Variants in IGSF23 observed in about 807,000 individuals in gnomAD.
IGSF23 encodes immunoglobulin superfamily, member 23.
IGSF23 carries 14 observed loss-of-function variants against 17.8 expected under a neutral mutation model. That is an observed-to-expected ratio of 0.79 (90% CI 0.52 to 1.23). The LOEUF is 1.23. Among genes scored for constraint, IGSF23 ranks in the 50% most tolerant of loss-of-function variants. The pLI is 0.00. For synonymous variants in IGSF23, 85 were observed against 92.5 expected (o/e 0.92, Z 0.46); for missense variants, 214 against 241.7 (o/e 0.89, Z 0.76).
intron 1 of IGSF23, among the ~76,000 whole-genome samples, chr19:44,622,249 A>G (rs1212785671): frequency 1.3e-5 from 2 of 151,396 alleles, no homozygotes; most frequent in Non-Finnish European, 2.9e-5. Context: ...TGGCTGTTAT[A>G]TTGCCTCTTG....
intron 1 of IGSF23, among the ~76,000 whole-genome samples, chr19:44,617,100 T>C (rs1214184596): frequency 6.6e-6 from 1 of 151,956 alleles, no homozygotes; most frequent in Non-Finnish European, 1.5e-5. Flanking sequence ...CCTCACTCAG[T>C]TGCCCAGGCT....
chr19:44,620,052 C>T (rs145937781), intron 1 of IGSF23, among the ~76,000 whole-genome samples: 225 of 152,222 alleles, frequency 1.5e-3, no homozygotes, highest in African/African-American at 5.2e-3. Context: ...GGGCAGATCA[C>T]GAGTTCAGGA....
rs546832203 is a variant in IGSF23 at position 44,613,813 on chromosome 19, G to A, written c.125+43G>A. On this transcript the variant is annotated intron_variant, in intron 1 of 4. Coordinates refer to ENST00000402988, the MANE Select transcript of IGSF23 (RefSeq NM_001205280.2). The stretch of plus-strand genomic sequence containing the variant: ...GTGGCCAGGGTAGGGCATGGTCATC[G>A]TGAGCAGGGTCCTGCAGGGTGAGGC... 27 of 1,548,768 alleles carry A rather than the reference G, an allele frequency of 1.7e-5. No individual in the cohort carries two copies. The East Asian group carries it at 2.7e-4, about 15-fold the overall frequency.
intron 1 of IGSF23, among the ~76,000 whole-genome samples, chr19:44,618,904 T>G (rs142288850): frequency 1.8e-3 from 276 of 152,058 alleles, no homozygotes; most frequent in Non-Finnish European, 2.6e-3. Context: ...TTGCAATGTG[T>G]TGTGGCTATT....
intron 1 of IGSF23, 93 bp downstream of exon 1, chr19:44,613,863 G>A: frequency 6.5e-7 from 1 of 1,548,606 alleles, no homozygotes; most frequent in South Asian, 1.2e-5. Context: ...CGACTGTACA[G>A]GTCTATGAAG....
At chr19:44,633,370 T>A (rs187886995) in intron 3 of IGSF23, among the ~76,000 whole-genome samples, 1 of 152,350 alleles carries the variant, frequency 6.6e-6, no homozygotes, top group Non-Finnish European at 1.5e-5. Flanking sequence ...AGCGGTTCTT[T>A]CAAACCTTGC....
Position 44,624,646 on chromosome 19 carries a change from G to T in IGSF23, c.391+674G>T, listed in dbSNP as rs551308101. ...AGAGGTTAACTATGATGAAAGCCCA[G>T]CTTAGGATCTGGACCAGGCTACCTG... On this transcript the variant is annotated intron_variant, in intron 2 of 4. Coordinates refer to ENST00000402988, the MANE Select transcript of IGSF23 (RefSeq NM_001205280.2). Among the ~76,000 whole-genome samples, 3 of 152,232 alleles carry T rather than the reference G, an allele frequency of 2.0e-5. No individual in the cohort carries two copies. The East Asian group carries it at 5.8e-4, about 29-fold the overall frequency.
intron 2 of IGSF23, among the ~76,000 whole-genome samples, chr19:44,624,277 A>T (rs1272449188): frequency 3.1e-3 from 332 of 105,534 alleles, no homozygotes; most frequent in South Asian, 3.7e-3. Flanking sequence ...TCCTTCTTCT[A>T]CTTCTTCTTC....
rs556758886 is a variant in IGSF23, at chr19:44,631,640, C to A, written c.546-3761C>A. ...GCTGAGAGCCTCAAACAGAGATTTA[C>A]CCACGTATTTATTAACATTAGCATT... On this transcript the variant is annotated intron_variant, in intron 3 of 4. Transcript: ENST00000402988. 7.3e-4 allele frequency among the ~76,000 whole-genome samples: 111 copies of A among 152,242 alleles called. No individual in the cohort carries two copies. In the South Asian group the frequency reaches 0.022, roughly 31 times the overall value.
At position 44,623,991 on chromosome 19, in the gene IGSF23, C is replaced by T. The variant is rs1305850930; in HGVS notation, c.391+19C>T. 3 of 1,517,586 alleles carry T rather than the reference C, an allele frequency of 2.0e-6. No individual in the cohort carries two copies. Among genetic ancestry groups the T allele is most frequent in the Non-Finnish European group, 2.7e-6 (3 of 1,128,304 alleles). The allele number at this position is 1,517,586 out of a possible 1,614,324, so 94.0% of individuals were successfully genotyped here. On this transcript the variant is annotated intron_variant, in intron 2 of 4. Transcript: ENST00000402988. ...CTGCCAAGTGAGTCCCCCATTCCAC[C>T]CCACCCCACCCCACCCAAGAGCCCT...
intron 2 of IGSF23, among the ~76,000 whole-genome samples, chr19:44,624,529 C>A (rs150806093): frequency 4.3e-3 from 650 of 152,078 alleles, no homozygotes; most frequent in Non-Finnish European, 7.8e-3. Context: ...GAGTGATCCA[C>A]CCACCTTGGC....
chr19:44,629,606 T>C (rs1007873911), intron 3 of IGSF23, among the ~76,000 whole-genome samples: 1 of 151,160 alleles, frequency 6.6e-6, no homozygotes, highest in African/African-American at 2.4e-5. Context: ...GATCTTACCA[T>C]GTATTGAGCA....
intron 1 of IGSF23, among the ~76,000 whole-genome samples, chr19:44,618,897 C>T (rs1210436006): frequency 1.3e-5 from 2 of 151,448 alleles, no homozygotes; most frequent in African/African-American, 2.4e-5. Flanking sequence ...AGAGGAGTTG[C>T]AATGTGTTGT....
intron 1 of IGSF23, among the ~76,000 whole-genome samples, chr19:44,620,023 C>A (rs767756645): frequency 1.3e-5 from 2 of 152,174 alleles, no homozygotes; most frequent in Non-Finnish European, 2.9e-5. Context: ...GTAATCCCAG[C>A]ATTTTGGGAG....
intron 1 of IGSF23, among the ~76,000 whole-genome samples, chr19:44,615,465 A>G (rs142004781): frequency 6.6e-6 from 1 of 151,006 alleles, no homozygotes; most frequent in Non-Finnish European, 1.5e-5. Flanking sequence ...CTCTACTAAA[A>G]ACAGAAAATT....
chr19:44,628,541 A>G (rs1255084213), intron 3 of IGSF23, among the ~76,000 whole-genome samples: 5 of 152,066 alleles, frequency 3.3e-5, no homozygotes, highest in Non-Finnish European at 5.9e-5. Context: ...CGAGCCCAGG[A>G]GTTTGAAACC....
intron 1 of IGSF23, among the ~76,000 whole-genome samples, chr19:44,617,420 G>A (rs190005510): frequency 5.3e-5 from 8 of 152,140 alleles, no homozygotes; most frequent in African/African-American, 1.9e-4. Flanking sequence ...TAGATTTTAT[G>A]TGTTCTCACC....
chr19:44,616,264 G>A (rs1238951160), intron 1 of IGSF23, among the ~76,000 whole-genome samples: 1 of 152,064 alleles, frequency 6.6e-6, no homozygotes, highest in East Asian at 1.9e-4. Context: ...TCCCCAAAGT[G>A]GTTATCTGAG....
At chr19:44,616,886 G>A (rs1013785938) in intron 1 of IGSF23, among the ~76,000 whole-genome samples, 2 of 151,428 alleles carry the variant, frequency 1.3e-5, no homozygotes, top group Non-Finnish European at 2.9e-5. Context: ...GAGAGAGAGA[G>A]GGAGAGAGAG....
Sources: allele counts gnomAD v4.1 joint callset (sites outside exome capture counted in the v4.1 genomes callset), GRCh38; gene constraint gnomAD v4.1.1; transcripts MANE v1.5; gene names NCBI Gene and HGNC (gene_info 2026-07-23, HGNC 2026-07-21).